The following LUC7L2 variants were observed in gnomAD, a reference collection of about 807,000 sequenced individuals.
The protein encoded by LUC7L2 is LUC7 like 2, pre-mRNA splicing factor, also known as putative RNA-binding protein Luc7-like 2.
A neutral mutation model predicts 52.8 loss-of-function variants in LUC7L2; 25 were observed. The ratio of observed to expected loss-of-function variants is 0.47; its 90% CI spans 0.34 to 0.66. The LOEUF (loss-of-function observed/expected upper bound fraction) is 0.66. Among genes scored for constraint, LUC7L2 ranks in the 30% least tolerant of loss-of-function variants. The pLI is 0.01. For synonymous variants in LUC7L2, 144 were observed against 160.9 expected (o/e 0.89, Z 0.80); for missense variants, 328 against 497.8 (o/e 0.66, Z 3.25).
At chr7:139,340,929 C>T (rs1247559591) in intron 1 of LUC7L2, among the ~76,000 whole-genome samples, 1 of 152,008 alleles carries the variant, frequency 6.6e-6, no homozygotes, top group East Asian at 1.9e-4. Context: ...TTGTCTGAGC[C>T]GCAGGTCCCC....
At chr7:139,348,443 G>A (rs960008579) in intron 1 of LUC7L2, among the ~76,000 whole-genome samples, 2 of 152,006 alleles carry the variant, frequency 1.3e-5, no homozygotes, top group East Asian at 1.9e-4. Flanking sequence ...TATTTAGGCC[G>A]GGCACGGTGG....
intron 1 of LUC7L2, chr7:139,346,293 TATAAAC>T (rs928923702): frequency 1.9e-4 from 29 of 152,156 alleles, no homozygotes; most frequent in Admixed American, 9.8e-4. Flanking sequence ...ATTCAAATGT[TATAAAC>T]ATAAAATAAA....
intron 1 of LUC7L2, among the ~76,000 whole-genome samples, chr7:139,364,250 T>C (rs1272351101): frequency 6.6e-6 from 1 of 152,054 alleles, no homozygotes; most frequent in African/African-American, 2.4e-5. Flanking sequence ...CTAGATTACA[T>C]TTTAAGCTTA....
At chr7:139,350,607 T>C (rs1799424721) in intron 1 of LUC7L2, among the ~76,000 whole-genome samples, 1 of 151,982 alleles carries the variant, frequency 6.6e-6, no homozygotes, top group African/African-American at 2.4e-5. Context: ...TTTATCTCGT[T>C]TGTTGTCTAG....
rs554814332 is a variant in LUC7L2 at position 139,365,056 on chromosome 7, G to GT, written c.61+4735dup. Among the ~76,000 whole-genome samples the GT allele has an allele frequency of 1.4e-4, 22 of 152,334 alleles. No homozygotes were observed. In the East Asian group the frequency reaches 4.2e-3, roughly 29 times the overall value. On this transcript the variant is annotated intron_variant, in intron 1 of 9. Coordinates refer to ENST00000354926, the MANE Select transcript of LUC7L2 (RefSeq NM_016019.5). ...ATAAGGAGTTTTATAGGATTAAACA[G>GT]TAGTTTCTCTGCGTTTCAGTTAACT...
At chr7:139,380,684 A>AT (rs757642139) in intron 2 of LUC7L2, among the ~76,000 whole-genome samples, 2 of 152,122 alleles carry the variant, frequency 1.3e-5, no homozygotes, top group Non-Finnish European at 2.9e-5. Context: ...TCTTTTCCTC[A>AT]TTTTGGCCCA....
chr7:139,371,541 G>T, intron 1 of LUC7L2: 1 of 1,449,506 alleles, frequency 6.9e-7, no homozygotes, highest in Non-Finnish European at 9.3e-7. Flanking sequence ...TGTATGGGAG[G>T]GAGAGGGTGG....
intron 2 of LUC7L2, among the ~76,000 whole-genome samples, chr7:139,394,292 A>C (rs1179749288): frequency 6.6e-6 from 1 of 152,124 alleles, no homozygotes; most frequent in Non-Finnish European, 1.5e-5. Context: ...CGTAGATAAA[A>C]CAGAAGAATC....
intron 1 of LUC7L2, among the ~76,000 whole-genome samples, chr7:139,362,610 G>A (rs1046511087): frequency 1.0e-4 from 15 of 148,148 alleles, no homozygotes; most frequent in African/African-American, 3.6e-4. Context: ...GGGTATTTAA[G>A]GCAACTCTGT....
At chr7:139,407,449 G>C (rs1795176689) in intron 6 of LUC7L2, 99 bp downstream of exon 6, 2 of 1,356,368 alleles carry the variant, frequency 1.5e-6, no homozygotes, top group Non-Finnish European at 9.7e-7. Context: ...CAGTAATATA[G>C]TATCTAATGA....
intron 7 of LUC7L2, among the ~76,000 whole-genome samples, chr7:139,410,098 G>A (rs113534278): frequency 0.055 from 8,299 of 152,024 alleles, 523 homozygotes; most frequent in African/African-American, 0.15. Flanking sequence ...TCCCAGCTGC[G>A]CGGGAGGCTG....
chr7:139,422,452 A>G lies in LUC7L2; in HGVS notation c.*112A>G, dbSNP rs1795948463. 23 of 1,475,494 alleles carry G rather than the reference A, an allele frequency of 1.6e-5. No individual in the cohort carries two copies. Among genetic ancestry groups the G allele is most frequent in the Non-Finnish European group, 1.9e-5 (21 of 1,115,188 alleles). The allele number at this position is 1,475,494 out of a possible 1,614,324, so 91.4% of individuals were successfully genotyped here. On this transcript the variant is annotated 3_prime_UTR_variant, in exon 10 of 10. Coordinates refer to ENST00000354926, the MANE Select transcript of LUC7L2 (RefSeq NM_016019.5). Reference sequence around the variant, plus strand: ...GCAGATCCAGACACCAGATCCAGCTAGGCTAGATGTACAGTATCTAACTTG... The same window carrying G: ...GCAGATCCAGACACCAGATCCAGCTGGGCTAGATGTACAGTATCTAACTTG...
chr7:139,413,846 TA>T (rs1237653711), intron 8 of LUC7L2, among the ~76,000 whole-genome samples: 2 of 152,092 alleles, frequency 1.3e-5, no homozygotes, highest in Admixed American at 1.3e-4. Context: ...CCTAAAACAC[TA>T]AAAAAACTAA....
intron 2 of LUC7L2, among the ~76,000 whole-genome samples, chr7:139,386,822 A>G (rs987994665): frequency 6.6e-6 from 1 of 151,690 alleles, no homozygotes. Context: ...TTTTACTTTA[A>G]CCTATATAGG....
intron 1 of LUC7L2, among the ~76,000 whole-genome samples, chr7:139,363,975 CCTTTTTTT>C (rs1800009229): frequency 7.9e-6 from 1 of 126,940 alleles, no homozygotes; most frequent in Non-Finnish European, 1.6e-5. Context: ...TAGATTACAT[CCTTTTTTT>C]TTTTTTTTTT....
chr7:139,363,573 G>A (rs1009078279), intron 1 of LUC7L2, among the ~76,000 whole-genome samples: 1 of 152,112 alleles, frequency 6.6e-6, no homozygotes, highest in Admixed American at 6.5e-5. Flanking sequence ...AGTTTTTTTA[G>A]AAAGGAGCTA....
chr7:139,412,513 T>C, intron 7 of LUC7L2, 38 bp from the exon 8 acceptor site: 2 of 1,577,032 alleles, frequency 1.3e-6, no homozygotes, highest in Non-Finnish European at 1.7e-6. Context: ...TTCTTATTTA[T>C]AGCCACTTTT....
chr7:139,400,843 TTAAC>T (rs1293764533), intron 3 of LUC7L2, among the ~76,000 whole-genome samples: 12 of 152,242 alleles, frequency 7.9e-5, no homozygotes, highest in African/African-American at 1.4e-4. Flanking sequence ...TTAAAAGAAA[TTAAC>T]TATTTTTATG....
intron 1 of LUC7L2, among the ~76,000 whole-genome samples, chr7:139,365,800 A>G (rs537897960): frequency 6.6e-6 from 1 of 152,336 alleles, no homozygotes; most frequent in South Asian, 2.1e-4. Context: ...AAGAAACTAT[A>G]AGAAGGTGAA....
Sources: allele counts gnomAD v4.1 joint callset (sites outside exome capture counted in the v4.1 genomes callset), GRCh38; gene constraint gnomAD v4.1.1; transcripts MANE v1.5; gene names NCBI Gene and HGNC (gene_info 2026-07-23, HGNC 2026-07-21).